The following DROSHA variants were observed in gnomAD, a reference collection of about 807,000 sequenced individuals.
DROSHA encodes ribonuclease 3.
In DROSHA, 56 loss-of-function variants were observed where a neutral mutation model predicts 181.9. That is an observed-to-expected ratio of 0.31 (90% confidence interval 0.25 to 0.38). DROSHA has a LOEUF of 0.38. DROSHA is among the 10% of genes least tolerant of loss of function. The pLI, the probability that DROSHA is intolerant of heterozygous loss-of-function variation, is 1.00. For synonymous variants in DROSHA, 524 were observed against 591.2 expected (o/e 0.89, Z 1.65); for missense variants, 1,218 against 1,743.5 (o/e 0.70, Z 5.37).
At chr5:31,499,919 G>T (rs1299337046) in intron 11 of DROSHA, among the ~76,000 whole-genome samples, 2 of 152,198 alleles carry the variant, frequency 1.3e-5, no homozygotes, top group Non-Finnish European at 2.9e-5. Flanking sequence ...CCTACAGTGG[G>T]AGGTCACAGC....
chr5:31,414,866 T>G (rs565435763), intron 30 of DROSHA, among the ~76,000 whole-genome samples: 1 of 152,216 alleles, frequency 6.6e-6, no homozygotes, highest in Non-Finnish European at 1.5e-5. Flanking sequence ...ATCAACAACT[T>G]TAAAAAAAAT....
Position 31,515,233 on chromosome 5 carries a change from C to G in DROSHA, c.1059-14G>C. 1 of 1,591,368 alleles carries G rather than the reference C, an allele frequency of 6.3e-7. No homozygotes were observed. The highest frequency in any genetic ancestry group is 1.2e-5 in the South Asian group (1 of 86,430). ...CTTGGGGAGCGACTTCAAAAGAGGGCAAAGGAGGTTAATTATTAAAAATAC... is the reference window on the plus strand; with the variant it reads ...CTTGGGGAGCGACTTCAAAAGAGGGGAAAGGAGGTTAATTATTAAAAATAC... On this transcript the variant is annotated splice_polypyrimidine_tract_variant and intron_variant, in intron 7 of 35. Coordinates refer to ENST00000344624, the MANE Select transcript of DROSHA (RefSeq NM_001382508.1).
chr5:31,491,044 T>C (rs1752338508), intron 13 of DROSHA, among the ~76,000 whole-genome samples: 1 of 152,210 alleles, frequency 6.6e-6, no homozygotes, highest in Admixed American at 6.5e-5. Flanking sequence ...AAATGATGTT[T>C]TCTACTCACT....
At position 31,409,356 on chromosome 5, in the gene DROSHA, A is replaced by G. The variant is rs1741024935; in HGVS notation, c.3668-24T>C. On this transcript the variant is annotated intron_variant, in intron 31 of 35. Transcript: ENST00000344624. The surrounding 1 kb of genome is among the most constrained non-coding windows in gnomAD (Gnocchi z 4.0). ...TGCTGGGGAAAAAAGAATACTTTAAAATAAACCACAATCACTGCCATCTAT... is the reference window on the plus strand; with the variant it reads ...TGCTGGGGAAAAAAGAATACTTTAAGATAAACCACAATCACTGCCATCTAT... The G allele has an allele frequency of 1.3e-6, 2 of 1,552,108 alleles. No homozygotes were observed. Among genetic ancestry groups the G allele is most frequent in the African/African-American group, 2.7e-5 (2 of 73,226 alleles).
At chr5:31,502,319 G>A (rs756558842) in intron 11 of DROSHA, among the ~76,000 whole-genome samples, 1 of 152,188 alleles carries the variant, frequency 6.6e-6, no homozygotes, top group South Asian at 2.1e-4. Context: ...TTGCCAAAAG[G>A]AATCTGTTGC....
intron 3 of DROSHA, among the ~76,000 whole-genome samples, chr5:31,529,734 C>CAAAAAAAAAAAA (rs70955715): frequency 5.8e-4 from 53 of 90,670 alleles, no homozygotes; most frequent in East Asian, 7.6e-4. Flanking sequence ...AAAAAACAAA[C>CAAAAAAAAAAAA]AAAAAAAAAA....
rs376347364 is a variant in DROSHA at position 31,521,098 on chromosome 5, C to A, written c.947+25G>T. 1.9e-4 allele frequency: 303 copies of A among 1,609,868 alleles called. 4 individuals carry two copies. In the South Asian group the frequency reaches 2.0e-3, roughly 11 times the overall value. On this transcript the variant is annotated intron_variant, in intron 6 of 35. Coordinates refer to ENST00000344624, the MANE Select transcript of DROSHA (RefSeq NM_001382508.1). ...ATTCAAGGAGATAATCCTATGACTT[C>A]TTTCAGTGTCAACTCCTTGCTTACC...
At chr5:31,480,806 C>T (rs1490499188) in intron 16 of DROSHA, among the ~76,000 whole-genome samples, 1 of 152,122 alleles carries the variant, frequency 6.6e-6, no homozygotes, top group African/African-American at 2.4e-5. Context: ...CAAATGTTTA[C>T]TCTTCAGCCT....
intron 12 of DROSHA, among the ~76,000 whole-genome samples, chr5:31,494,795 C>T (rs1197242924): frequency 6.6e-6 from 1 of 152,048 alleles, no homozygotes; most frequent in Non-Finnish European, 1.5e-5. Context: ...CTGCCTCAGC[C>T]TCCCGAGTAG....
intron 20 of DROSHA, among the ~76,000 whole-genome samples, chr5:31,455,641 CTTTT>C (rs57423740): frequency 2.9e-5 from 4 of 139,314 alleles, no homozygotes; most frequent in African/African-American, 5.3e-5. Flanking sequence ...TGTTATCACA[CTTTT>C]TTTTTTTTTT....
intron 20 of DROSHA, among the ~76,000 whole-genome samples, chr5:31,457,604 C>A (rs1456978600): frequency 6.6e-6 from 1 of 152,052 alleles, no homozygotes; most frequent in Non-Finnish European, 1.5e-5. Flanking sequence ...TTAAAAGGAA[C>A]CTAGGCCAGG....
At position 31,447,672 on chromosome 5, in the gene DROSHA, A is replaced by G. The variant is rs75271331; in HGVS notation, c.2882+875T>C. 6.4e-3 allele frequency among the ~76,000 whole-genome samples: 975 copies of G among 152,340 alleles called. 20 individuals carry two copies. Among genetic ancestry groups the G allele is most frequent in the East Asian group, 0.057 (295 of 5,194 alleles). ...TAACTCAATAATTTAGAATAACCCAATTAAAAATGGGAAAAGGATCTGAAT... is the reference window on the plus strand; with the variant it reads ...TAACTCAATAATTTAGAATAACCCAGTTAAAAATGGGAAAAGGATCTGAAT... On this transcript the variant is annotated intron_variant, in intron 23 of 35. Transcript: ENST00000344624.
intron 11 of DROSHA, among the ~76,000 whole-genome samples, chr5:31,496,057 C>T (rs1161176707): frequency 6.6e-6 from 1 of 152,188 alleles, no homozygotes; most frequent in African/African-American, 2.4e-5. Context: ...TGGCATTTTC[C>T]AGCATGGCAA....
intron 30 of DROSHA, among the ~76,000 whole-genome samples, chr5:31,413,995 G>T (rs889232296): frequency 6.6e-6 from 1 of 152,174 alleles, no homozygotes. Context: ...GTGAGAGAAG[G>T]GTGGGAAAGG....
intron 20 of DROSHA, among the ~76,000 whole-genome samples, chr5:31,463,420 T>A (rs1748631340): frequency 6.6e-6 from 1 of 152,036 alleles, no homozygotes; most frequent in African/African-American, 2.4e-5. Context: ...GAGCTAAGAG[T>A]AAGCTGCTTG....
rs969748379 is a variant in DROSHA at position 31,515,233 on chromosome 5, C to T, written c.1059-14G>A. 6.3e-7 allele frequency: 1 copy of T among 1,591,366 alleles called. No homozygotes were observed. Among genetic ancestry groups the T allele is most frequent in the South Asian group, 1.2e-5 (1 of 86,430 alleles). ...CTTGGGGAGCGACTTCAAAAGAGGG[C>T]AAAGGAGGTTAATTATTAAAAATAC... On this transcript the variant is annotated splice_polypyrimidine_tract_variant and intron_variant, in intron 7 of 35. Coordinates refer to ENST00000344624, the MANE Select transcript of DROSHA (RefSeq NM_001382508.1).
intron 20 of DROSHA, among the ~76,000 whole-genome samples, chr5:31,457,373 C>T (rs1336127628): frequency 6.6e-6 from 1 of 152,054 alleles, no homozygotes; most frequent in Non-Finnish European, 1.5e-5. Flanking sequence ...GATCTGCCCA[C>T]CTCGGCCTCC....
chr5:31,416,742 T>C (rs1242086723), intron 30 of DROSHA, among the ~76,000 whole-genome samples: 5 of 151,940 alleles, frequency 3.3e-5, no homozygotes, highest in Admixed American at 3.3e-4. Context: ...AGTGCAGAGG[T>C]GCAGAGTGAG....
intron 5 of DROSHA, among the ~76,000 whole-genome samples, chr5:31,524,851 A>G (rs187813919): frequency 1.7e-3 from 263 of 152,354 alleles, no homozygotes; most frequent in African/African-American, 5.7e-3. Flanking sequence ...TATTTTTAAA[A>G]TACAACTTTC....
Sources: gnomAD v4.1 joint callset for allele counts (sites outside exome capture counted in the v4.1 genomes callset) on GRCh38, gnomAD v4.1.1 for gene constraint, Gnocchi (gnomAD v3.1) non-coding constraint, MANE v1.5 for transcripts, NCBI Gene and HGNC (gene_info 2026-07-23, HGNC 2026-07-21) for gene names.